Variants in MYO1E observed in about 807,000 individuals in gnomAD.
The protein encoded by MYO1E is unconventional myosin-Ie.
In MYO1E, 68 loss-of-function variants were observed where a neutral mutation model predicts 151.1. The ratio of observed to expected loss-of-function variants is 0.45; its 90% confidence interval spans 0.37 to 0.55. The LOEUF is 0.55. Ranked by LOEUF, MYO1E falls within the 20% of genes least tolerant of loss-of-function variation. MYO1E has a pLI of 0.00. For synonymous variants in MYO1E, 601 were observed against 501.7 expected (o/e 1.20, Z -2.64); for missense variants, 1,363 against 1,389.3 (o/e 0.98, Z 0.30).
intron 21 of MYO1E, 132 bp downstream of exon 21, chr15:59,173,613 GT>G: frequency 3.7e-6 from 4 of 1,076,514 alleles, no homozygotes; most frequent in Non-Finnish European, 4.2e-6. Flanking sequence ...TTATCTTTTG[GT>G]TTACTGTATT....
chr15:59,353,962 A>G (rs7167386), intron 1 of MYO1E, among the ~76,000 whole-genome samples: 3,069 of 152,308 alleles, frequency 0.02, 48 homozygotes, highest in African/African-American at 0.043. Context: ...TTGTGTGTAC[A>G]GATAGAAAAA....
chr15:59,157,125 C>T (rs2079513718), intron 25 of MYO1E, among the ~76,000 whole-genome samples: 1 of 151,784 alleles, frequency 6.6e-6, no homozygotes, highest in Non-Finnish European at 1.5e-5. Flanking sequence ...ACTCAAGGGG[C>T]TGAGGTGGGA....
intron 1 of MYO1E, among the ~76,000 whole-genome samples, chr15:59,290,462 T>C (rs1316582097): frequency 1.3e-5 from 2 of 152,170 alleles, no homozygotes; most frequent in Non-Finnish European, 2.9e-5. Flanking sequence ...AAAGCTGAGA[T>C]CAGAGCTTTG....
intron 15 of MYO1E, 134 bp downstream of exon 15, chr15:59,205,266 G>T: frequency 1.1e-6 from 1 of 893,004 alleles, no homozygotes; most frequent in Non-Finnish European, 1.9e-6. Context: ...AGGATCAAGT[G>T]ATCCTCCTGC....
intron 24 of MYO1E, among the ~76,000 whole-genome samples, 185 bp downstream of exon 24, chr15:59,160,888 A>T (rs2079534453): frequency 6.6e-6 from 1 of 151,980 alleles, no homozygotes; most frequent in African/African-American, 2.4e-5. Flanking sequence ...GAAACTTTTA[A>T]CCTGCTCATT....
intron 1 of MYO1E, among the ~76,000 whole-genome samples, chr15:59,311,469 A>G (rs1214833456): frequency 1.3e-5 from 2 of 152,066 alleles, no homozygotes; most frequent in African/African-American, 4.8e-5. Context: ...CTAACAGGCC[A>G]CGGACCGTAT....
intron 9 of MYO1E, chr15:59,218,291 T>C (rs1336736187): frequency 1.4e-6 from 1 of 691,934 alleles, no homozygotes; most frequent in Admixed American, 2.0e-5. Context: ...TTCCCAATTG[T>C]TTTATGACAT....
chr15:59,201,554 G>A (rs1338042644), intron 16 of MYO1E, among the ~76,000 whole-genome samples: 1 of 151,972 alleles, frequency 6.6e-6, no homozygotes, highest in Non-Finnish European at 1.5e-5. Context: ...ACACTCACGT[G>A]CCACCACGCC....
At chr15:59,215,806 G>C (rs2079910221) in intron 10 of MYO1E, among the ~76,000 whole-genome samples, 1 of 152,074 alleles carries the variant, frequency 6.6e-6, no homozygotes, top group East Asian at 1.9e-4. Flanking sequence ...TAGAAAGGTA[G>C]GTAGGAAGCC....
chr15:59,239,643 T>C (rs530830408), intron 4 of MYO1E, among the ~76,000 whole-genome samples: 2 of 152,330 alleles, frequency 1.3e-5, no homozygotes, highest in Admixed American at 1.3e-4. Flanking sequence ...AGTAGCTCTT[T>C]TAATATATCA....
chr15:59,259,457 T>C (rs1310865146), intron 3 of MYO1E, among the ~76,000 whole-genome samples: 2 of 152,148 alleles, frequency 1.3e-5, no homozygotes, highest in Non-Finnish European at 2.9e-5. Context: ...AAAATTCCCC[T>C]CTTTAGGTCA....
intron 27 of MYO1E, 84 bp downstream of exon 27, chr15:59,138,114 C>G: frequency 6.5e-7 from 1 of 1,537,656 alleles, no homozygotes. Flanking sequence ...CCCATAAATT[C>G]TTTTCATTTT....
intron 5 of MYO1E, 29 bp from the exon 6 acceptor site, chr15:59,231,820 G>A: frequency 1.2e-6 from 2 of 1,609,804 alleles, no homozygotes; most frequent in Non-Finnish European, 1.7e-6. Flanking sequence ...CGGAGGTTAG[G>A]AAGGTGTGAA....
At chr15:59,182,067 G>A (rs190550069) in intron 18 of MYO1E, among the ~76,000 whole-genome samples, 249 of 152,236 alleles carry the variant, frequency 1.6e-3, no homozygotes, top group African/African-American at 5.8e-3. Context: ...AAATACCCCC[G>A]CCCACTGATA....
At chr15:59,151,442 A>AC (rs1253140347) in intron 26 of MYO1E, among the ~76,000 whole-genome samples, 35 of 147,708 alleles carry the variant, frequency 2.4e-4, no homozygotes, top group East Asian at 1.4e-3. Context: ...CAAACAAAAA[A>AC]CCCCCCCCAA....
chr15:59,251,522 T>C (rs1199060855), intron 4 of MYO1E, among the ~76,000 whole-genome samples: 2 of 152,152 alleles, frequency 1.3e-5, no homozygotes, highest in Non-Finnish European at 2.9e-5. Context: ...AAGTTTGAAG[T>C]TTTTAGATGA....
At chr15:59,369,932 T>TAAG (rs1459125479) in intron 1 of MYO1E, among the ~76,000 whole-genome samples, 21 of 152,226 alleles carry the variant, frequency 1.4e-4, no homozygotes, top group African/African-American at 5.1e-4. Flanking sequence ...GGTATAGGTG[T>TAAG]TCTCCCTATA....
rs1157116058 is a variant in MYO1E at position 59,360,291 on chromosome 15, T to C, written c.3+12207A>G. On this transcript the variant is annotated intron_variant, in intron 1 of 27. Transcript: ENST00000288235. ...AGCAAAATCTGTGGCTCACAGAATA[T>C]GGAATTGACACAGGGTTATTTTGAG... Among the ~76,000 whole-genome samples the C allele has an allele frequency of 2.6e-5, 4 of 152,132 alleles. No individual in the cohort carries two copies. The East Asian group carries it at 7.7e-4, about 29-fold the overall frequency.
intron 2 of MYO1E, chr15:59,266,892 A>C (rs1337186950): frequency 6.6e-6 from 1 of 151,326 alleles, no homozygotes; most frequent in African/African-American, 2.4e-5. Flanking sequence ...CGATCTCCTG[A>C]CCTTGTGATC....
Sources: gnomAD v4.1 joint callset for allele counts (sites outside exome capture counted in the v4.1 genomes callset) on GRCh38, gnomAD v4.1.1 for gene constraint, MANE v1.5 for transcripts, NCBI Gene and HGNC (gene_info 2026-07-23, HGNC 2026-07-21) for gene names.